Variants in HMBOX1 observed in about 807,000 individuals in gnomAD.
The protein encoded by HMBOX1 is homeobox-containing protein 1.
Under a neutral mutation model 54.5 loss-of-function variants are expected in HMBOX1, and 14 were observed. The ratio of observed to expected loss-of-function variants is 0.26; its 90% CI spans 0.17 to 0.40. The LOEUF is 0.40. HMBOX1 is among the 10% of genes least tolerant of loss of function. The pLI is 1.00. For synonymous variants in HMBOX1, 160 were observed against 181.0 expected (o/e 0.88, Z 0.93); for missense variants, 332 against 514.4 (o/e 0.65, Z 3.43).
intron 9 of HMBOX1, chr8:29,049,267 A>G (rs746588151): frequency 3.3e-6 from 5 of 1,530,620 alleles, no homozygotes; most frequent in South Asian, 2.4e-5. Flanking sequence ...ATTCACCCAC[A>G]TGGATTTATT....
chr8:28,980,261 C>T (rs1381588464), intron 4 of HMBOX1, 105 bp downstream of exon 4: 2 of 822,274 alleles, frequency 2.4e-6, no homozygotes, highest in Non-Finnish European at 4.2e-6. Flanking sequence ...GCAGATCTGT[C>T]AACTTAGGCA....
intron 4 of HMBOX1, among the ~76,000 whole-genome samples, chr8:28,998,699 C>T (rs1832211770): frequency 2.0e-5 from 3 of 151,868 alleles, no homozygotes; most frequent in Non-Finnish European, 4.4e-5. Flanking sequence ...ATATGTGTTT[C>T]ATCTTTTTGT....
intron 1 of HMBOX1, among the ~76,000 whole-genome samples, chr8:28,893,797 T>C (rs529284762): frequency 9.8e-5 from 15 of 152,356 alleles, no homozygotes; most frequent in African/African-American, 3.1e-4. Context: ...TGGGAATATT[T>C]AGGCTTAATT....
At chr8:28,945,296 A>G (rs1420481800) in intron 1 of HMBOX1, among the ~76,000 whole-genome samples, 1 of 152,246 alleles carries the variant, frequency 6.6e-6, no homozygotes, top group Non-Finnish European at 1.5e-5. Context: ...TGAGGGCTTA[A>G]CAAGATTAAG....
intron 6 of HMBOX1, among the ~76,000 whole-genome samples, chr8:29,029,071 T>C (rs1802506763): frequency 1.3e-5 from 2 of 152,188 alleles, no homozygotes; most frequent in South Asian, 4.1e-4. Flanking sequence ...AAGAAATAAC[T>C]TCTAGTAGGA....
chr8:28,909,316 C>G (rs143497480), intron 1 of HMBOX1, among the ~76,000 whole-genome samples: 1 of 151,960 alleles, frequency 6.6e-6, no homozygotes, highest in Admixed American at 6.6e-5. Context: ...CTGATAGTGT[C>G]TTTTGTAAAA....
intron 6 of HMBOX1, among the ~76,000 whole-genome samples, chr8:29,035,063 C>T (rs1384896474): frequency 6.6e-6 from 1 of 152,082 alleles, no homozygotes; most frequent in East Asian, 1.9e-4. Context: ...AATCCCAGAC[C>T]AGTGCACCTC....
At chr8:29,038,895 CCT>C (rs1804367769) in intron 6 of HMBOX1, among the ~76,000 whole-genome samples, 1 of 152,294 alleles carries the variant, frequency 6.6e-6, no homozygotes, top group East Asian at 1.9e-4. Context: ...TTCACAACCC[CCT>C]GTCATACACT....
rs144001609 is a variant in HMBOX1, at chr8:28,941,388, T to A, written c.-57-22423T>A. Among the ~76,000 whole-genome samples, 340 of 152,364 alleles carry A rather than the reference T, an allele frequency of 2.2e-3. 1 individual carries two copies. The highest frequency in any genetic ancestry group is 0.013 in the East Asian group (66 of 5,182). On this transcript the variant is annotated intron_variant, in intron 1 of 9. Coordinates refer to ENST00000287701, the MANE Select transcript of HMBOX1 (RefSeq NM_001135726.3). Reference sequence around the variant, plus strand: ...GGGTCATTACATAATTTTCTACCACTAGGTTATTAAAATATATTTATGTTT... The same window carrying A: ...GGGTCATTACATAATTTTCTACCACAAGGTTATTAAAATATATTTATGTTT...
At chr8:28,926,635 G>A (rs148127933) in intron 1 of HMBOX1, among the ~76,000 whole-genome samples, 30 of 152,178 alleles carry the variant, frequency 2.0e-4, no homozygotes, top group African/African-American at 6.3e-4. Context: ...GAGCAGTGGC[G>A]CAGTCATTGT....
intron 2 of HMBOX1, among the ~76,000 whole-genome samples, chr8:28,964,334 C>CT (rs1826093500): frequency 6.6e-6 from 1 of 152,080 alleles, no homozygotes; most frequent in Admixed American, 6.5e-5. Context: ...CCTTTACCTG[C>CT]TGGGGGCATG....
chr8:28,899,829 A>C (rs748233142), intron 1 of HMBOX1, among the ~76,000 whole-genome samples: 6 of 152,216 alleles, frequency 3.9e-5, no homozygotes, highest in Non-Finnish European at 8.8e-5. Context: ...AGAAGATTGG[A>C]GTCAGATTAC....
At chr8:28,903,289 A>G (rs1417794419) in intron 1 of HMBOX1, among the ~76,000 whole-genome samples, 1 of 152,228 alleles carries the variant, frequency 6.6e-6, no homozygotes, top group Non-Finnish European at 1.5e-5. Context: ...TGATGATGCC[A>G]CTTGTGGCCT....
intron 6 of HMBOX1, among the ~76,000 whole-genome samples, chr8:29,034,379 A>C (rs1803496785): frequency 5.3e-5 from 8 of 152,216 alleles, no homozygotes; most frequent in Admixed American, 5.2e-4. Flanking sequence ...CCTTCTTGAC[A>C]TTATTATGTA....
At chr8:28,952,220 G>T (rs897741530) in intron 1 of HMBOX1, among the ~76,000 whole-genome samples, 1 of 151,394 alleles carries the variant, frequency 6.6e-6, no homozygotes, top group African/African-American at 2.4e-5. Flanking sequence ...CTGGAATCAG[G>T]ACTAGGAATA....
intron 1 of HMBOX1, among the ~76,000 whole-genome samples, chr8:28,900,271 A>AAAATAT (rs747317282): frequency 2.6e-3 from 185 of 70,352 alleles, no homozygotes; most frequent in East Asian, 0.014. Context: ...AAAAAAAAAA[A>AAAATAT]ATATATATAT....
intron 3 of HMBOX1, among the ~76,000 whole-genome samples, chr8:28,973,075 A>AC (rs1484398335): frequency 6.6e-6 from 1 of 151,750 alleles, no homozygotes; most frequent in Non-Finnish European, 1.5e-5. Flanking sequence ...CTGCCATTGC[A>AC]CCCTCACCCA....
At chr8:28,979,183 T>G (rs1399237227) in intron 3 of HMBOX1, among the ~76,000 whole-genome samples, 1 of 152,224 alleles carries the variant, frequency 6.6e-6, no homozygotes, top group Non-Finnish European at 1.5e-5. Context: ...GTTTATGTAA[T>G]CCTTTTGAAA....
At chr8:28,920,220 C>G (rs745682417) in intron 1 of HMBOX1, among the ~76,000 whole-genome samples, 23 of 152,162 alleles carry the variant, frequency 1.5e-4, no homozygotes, top group Admixed American at 1.2e-3. Context: ...ACTTGTGCCT[C>G]TCTGCATCAA....
Sources: allele counts gnomAD v4.1 joint callset (sites outside exome capture counted in the v4.1 genomes callset), GRCh38; gene constraint gnomAD v4.1.1; transcripts MANE v1.5; gene names NCBI Gene and HGNC (gene_info 2026-07-23, HGNC 2026-07-21).